Variants in LARP4B observed in about 807,000 individuals in gnomAD.
LARP4B encodes the protein La ribonucleoprotein 4B.
LARP4B carries 12 observed loss-of-function variants against 89.8 expected under a neutral mutation model. That is an observed-to-expected ratio of 0.13 (90% CI 0.09 to 0.22). The LOEUF is 0.22. LARP4B is among the 10% of genes least tolerant of loss of function. The pLI is 1.00. For synonymous variants in LARP4B, 367 were observed against 363.3 expected (o/e 1.01, Z -0.12); for missense variants, 757 against 947.7 (o/e 0.80, Z 2.64).
chr10:835,932 C>CAA (rs1195702167), intron 8 of LARP4B, among the ~76,000 whole-genome samples: 4 of 113,980 alleles, frequency 3.5e-5, no homozygotes, highest in Admixed American at 9.2e-5. Context: ...GACTCCATCT[C>CAA]AAAAAAAAAA....
At chr10:827,829 ATGCT>A (rs1264874989) in intron 11 of LARP4B, among the ~76,000 whole-genome samples, 1 of 152,238 alleles carries the variant, frequency 6.6e-6, no homozygotes, top group African/African-American at 2.4e-5. Context: ...CTCTCATGAT[ATGCT>A]TTTGGGAAAA....
At position 897,298 on chromosome 10, in the gene LARP4B, A is replaced by AC. The variant is rs571036736; in HGVS notation, c.-39-11539_-39-11538insG. On this transcript the variant is annotated intron_variant, in intron 1 of 17. Coordinates refer to ENST00000316157, the MANE Select transcript of LARP4B (RefSeq NM_015155.3). ...GGGAAAAGAACAATCTTGTCAACAAATGGTGCTGGGACAACTAAATGTCAA... is the reference window on the plus strand; with the variant it reads ...GGGAAAAGAACAATCTTGTCAACAAACTGGTGCTGGGACAACTAAATGTCAA... Among the ~76,000 whole-genome samples, 7 of 152,346 alleles carry AC rather than the reference A, an allele frequency of 4.6e-5. No homozygotes were observed. In the South Asian group the frequency reaches 6.2e-4, roughly 14 times the overall value.
rs1300512295 is a variant in LARP4B at position 812,095 on chromosome 10, GCA to G, written c.*829_*830del. The G allele has an allele frequency of 6.6e-6, 1 of 152,630 alleles. No individual in the cohort carries two copies. Among genetic ancestry groups the G allele is most frequent in the African/African-American group, 2.4e-5 (1 of 41,418 alleles). 9.5% of individuals were successfully genotyped at this position (152,630 alleles called of 1,614,324 possible). On this transcript the variant is annotated 3_prime_UTR_variant, in exon 18 of 18. Transcript: ENST00000316157. The stretch of plus-strand genomic sequence containing the variant: ...TGCTGGGGAACACGGACAGAAATGT[GCA>G]CAGAGCAGGGCCGGGGCCATCAGCT...
At chr10:817,948 C>T in intron 14 of LARP4B, 59 bp from the exon 15 acceptor site, 1 of 1,502,600 alleles carries the variant, frequency 6.7e-7, no homozygotes, top group Non-Finnish European at 9.1e-7. Flanking sequence ...AGCAGCTTCT[C>T]GTTTCCACAC....
intron 1 of LARP4B, chr10:903,561 G>A (rs913765198): frequency 6.6e-6 from 1 of 152,306 alleles, no homozygotes; most frequent in East Asian, 1.9e-4. Flanking sequence ...AAACGTAGTA[G>A]CATGGGCATA....
rs372386187 is a variant in LARP4B, at chr10:812,993, G to T, written c.2150C>A (p.Pro717His). 1.3e-5 allele frequency: 21 copies of T among 1,590,214 alleles called. 1 individual carries two copies. The East Asian group carries it at 2.9e-4, about 22-fold the overall frequency. Residue 717 changes from proline (P) to histidine (H), a missense_variant, in exon 18 of 18, where the codon CCC becomes CAC. Physicochemically the swap from Pro to His is moderately conservative, Grantham distance 77. Coordinates refer to ENST00000316157, the MANE Select transcript of LARP4B (RefSeq NM_015155.3). Reference protein sequence around the residue: ...RDQRRPAGGRPSPSAMGKRLS... With the variant: ...RDQRRPAGGRHSPSAMGKRLS... ...ACGCTTCCCCATGGCCGAGGGCGAG[G>T]GCCGGCCCCCCGCCGGCCGCCTCTG... is the stretch of plus-strand genomic sequence containing the variant.
chr10:826,577 T>C (rs1403678179), intron 11 of LARP4B, among the ~76,000 whole-genome samples: 2 of 152,236 alleles, frequency 1.3e-5, no homozygotes, highest in African/African-American at 2.4e-5. Context: ...ATAAAACTTA[T>C]TGTTAAAACA....
intron 7 of LARP4B, among the ~76,000 whole-genome samples, chr10:838,093 A>G (rs1833324343): frequency 6.6e-6 from 1 of 152,246 alleles, no homozygotes; most frequent in African/African-American, 2.4e-5. Context: ...ATCCACATGC[A>G]GAAAATTAAT....
the LARP4B span, among the ~76,000 whole-genome samples, chr10:976,437 G>A: frequency 6.7e-6 from 1 of 149,072 alleles, no homozygotes; most frequent in Admixed American, 6.7e-5. Flanking sequence ...GGCCTGCCGC[G>A]TAATGTGCGG....
intron 5 of LARP4B, among the ~76,000 whole-genome samples, chr10:851,817 C>A (rs1462925755): frequency 6.6e-6 from 1 of 152,080 alleles, no homozygotes; most frequent in African/African-American, 2.4e-5. Flanking sequence ...GTAATCTCAG[C>A]ATCTAGAGAG....
At chr10:903,887 A>G (rs1386315001) in intron 1 of LARP4B, among the ~76,000 whole-genome samples, 1 of 152,176 alleles carries the variant, frequency 6.6e-6, no homozygotes, top group Admixed American at 6.5e-5. Context: ...AGCTGCTTTA[A>G]TCCTGTGCGG....
At chr10:910,933 G>C (rs1836649577) in intron 1 of LARP4B, among the ~76,000 whole-genome samples, 1 of 152,178 alleles carries the variant, frequency 6.6e-6, no homozygotes. Flanking sequence ...TCCCCTGGCA[G>C]TTAGGGACAG....
chr10:962,610 A>G, the LARP4B span, among the ~76,000 whole-genome samples: 1 of 152,222 alleles, frequency 6.6e-6, no homozygotes, highest in Non-Finnish European at 1.5e-5. Flanking sequence ...ATGCAATGTC[A>G]TGTGGCAAAA....
At chr10:950,720 G>A in the LARP4B span, among the ~76,000 whole-genome samples, 6 of 152,070 alleles carry the variant, frequency 3.9e-5, no homozygotes, top group South Asian at 4.1e-4. Context: ...ACATGTCTTA[G>A]ATTTATACCT....
chr10:975,738 C>T, the LARP4B span, among the ~76,000 whole-genome samples: 1 of 151,870 alleles, frequency 6.6e-6, no homozygotes, highest in Non-Finnish European at 1.5e-5. Flanking sequence ...GAAGGTAGGC[C>T]TGTCACGTAA....
chr10:917,741 G>A (rs12354639), intron 1 of LARP4B, among the ~76,000 whole-genome samples: 28,325 of 152,176 alleles, frequency 0.19, 2,873 homozygotes, highest in Non-Finnish European at 0.23. Flanking sequence ...TAGCCTTGAG[G>A]CTTTATAGTT....
the LARP4B span, among the ~76,000 whole-genome samples, chr10:956,543 C>T: frequency 6.6e-6 from 1 of 152,064 alleles, no homozygotes; most frequent in African/African-American, 2.4e-5. This position sits in a 1 kb window ranked among gnomAD's most constrained non-coding sequence, Gnocchi z 4.3. Context: ...GATGGAGTTT[C>T]ACCGTGTTAG....
the LARP4B span, among the ~76,000 whole-genome samples, chr10:958,650 T>G: frequency 6.6e-6 from 1 of 152,208 alleles, no homozygotes; most frequent in South Asian, 2.1e-4. Flanking sequence ...AGTACCTGCC[T>G]CAGGTCTTCA....
chr10:875,476 A>G (rs546161645), intron 3 of LARP4B, among the ~76,000 whole-genome samples: 17 of 152,260 alleles, frequency 1.1e-4, no homozygotes, highest in African/African-American at 4.1e-4. Context: ...CACTGCCTCA[A>G]TGTTGTTTCT....
Sources: gnomAD v4.1 joint callset for allele counts (sites outside exome capture counted in the v4.1 genomes callset) on GRCh38, gnomAD v4.1.1 for gene constraint, Gnocchi (gnomAD v3.1) non-coding constraint, MANE v1.5 for transcripts, NCBI Gene and HGNC (gene_info 2026-07-23, HGNC 2026-07-21) for gene names.